Variants in SLC35F1 observed in about 807,000 individuals in gnomAD.
The protein encoded by SLC35F1 is solute carrier family 35 member F1, also known as chromosome 6 open reading frame 169.
In SLC35F1, 14 loss-of-function variants were observed where a neutral mutation model predicts 48.7. The ratio of observed to expected loss-of-function variants is 0.29; its 90% CI spans 0.19 to 0.45. The LOEUF is 0.45. Ranked by LOEUF, SLC35F1 falls within the 20% of genes least tolerant of loss-of-function variation. SLC35F1 has a pLI of 1.00. For missense variants in SLC35F1, 404 were observed against 500.0 expected (o/e 0.81, Z 1.83); for synonymous variants, 190 against 202.2 (o/e 0.94, Z 0.51).
At chr6:118,158,627 C>A (rs1774179463) in intron 2 of SLC35F1, among the ~76,000 whole-genome samples, 2 of 152,152 alleles carry the variant, frequency 1.3e-5, no homozygotes, top group South Asian at 4.1e-4. Context: ...CTTTCAAGAG[C>A]ATTAAGGGTG....
At chr6:118,079,507 T>G (rs1334656537) in intron 1 of SLC35F1, among the ~76,000 whole-genome samples, 2 of 152,206 alleles carry the variant, frequency 1.3e-5, no homozygotes, top group Non-Finnish European at 2.9e-5. Flanking sequence ...TTCAATTCTT[T>G]TGGGCATATA....
chr6:118,007,955 C>G (rs1373496634), intron 1 of SLC35F1, among the ~76,000 whole-genome samples: 1 of 152,152 alleles, frequency 6.6e-6, no homozygotes, highest in Admixed American at 6.6e-5. Context: ...TCCCATTTTT[C>G]TTGCTAGCTG....
At chr6:117,943,794 G>C (rs1776261977) in intron 1 of SLC35F1, among the ~76,000 whole-genome samples, 1 of 152,182 alleles carries the variant, frequency 6.6e-6, no homozygotes, top group South Asian at 2.1e-4. Context: ...GCTGGAGCTA[G>C]AAGAGATTCC....
chr6:118,222,427 A>T (rs2114565061), intron 2 of SLC35F1, among the ~76,000 whole-genome samples: 1 of 152,094 alleles, frequency 6.6e-6, no homozygotes, highest in Admixed American at 6.5e-5. Flanking sequence ...GGAACCACAT[A>T]AAACATAATG....
intron 7 of SLC35F1, among the ~76,000 whole-genome samples, chr6:118,293,868 T>C (rs1776152956): frequency 6.6e-6 from 1 of 152,224 alleles, no homozygotes; most frequent in Non-Finnish European, 1.5e-5. Context: ...TATTTCAACA[T>C]CTGCCACATA....
chr6:117,973,534 A>G (rs1448619000), intron 1 of SLC35F1, among the ~76,000 whole-genome samples: 3 of 151,860 alleles, frequency 2.0e-5, no homozygotes, highest in Non-Finnish European at 4.4e-5. Context: ...ACTTGTTTTT[A>G]AATTTATTAT....
chr6:117,918,858 G>T (rs1298240821), intron 1 of SLC35F1, among the ~76,000 whole-genome samples: 2 of 152,016 alleles, frequency 1.3e-5, no homozygotes, highest in African/African-American at 4.8e-5. Context: ...GGGGAGTGGG[G>T]TATGAGAGAG....
chr6:118,193,191 A>G (rs1194384067), intron 2 of SLC35F1, among the ~76,000 whole-genome samples: 1 of 152,142 alleles, frequency 6.6e-6, no homozygotes, highest in East Asian at 1.9e-4. Context: ...ATTAATGTCA[A>G]CCTCAACTTT....
At chr6:118,240,804 G>T (rs1775429267) in intron 3 of SLC35F1, among the ~76,000 whole-genome samples, 1 of 152,146 alleles carries the variant, frequency 6.6e-6, no homozygotes, top group Non-Finnish European at 1.5e-5. Context: ...TGTTGGGATG[G>T]ACCATGGCAA....
At chr6:117,996,169 C>T (rs191651389) in intron 1 of SLC35F1, among the ~76,000 whole-genome samples, 1 of 152,280 alleles carries the variant, frequency 6.6e-6, no homozygotes, top group Admixed American at 6.5e-5. Context: ...TAAAACTTTA[C>T]ATTTATAAAT....
intron 7 of SLC35F1, among the ~76,000 whole-genome samples, chr6:118,291,588 G>A (rs1229480149): frequency 2.6e-5 from 4 of 152,106 alleles, no homozygotes; most frequent in Non-Finnish European, 4.4e-5. Flanking sequence ...GGTTAAACCT[G>A]TATAAACATG....
At chr6:118,262,115 T>C (rs1775720325) in intron 3 of SLC35F1, among the ~76,000 whole-genome samples, 1 of 152,324 alleles carries the variant, frequency 6.6e-6, no homozygotes, top group South Asian at 2.1e-4. Flanking sequence ...TTCATGAGAC[T>C]GTCCACTACT....
intron 1 of SLC35F1, among the ~76,000 whole-genome samples, chr6:118,145,351 G>A (rs1260594371): frequency 6.6e-6 from 1 of 152,174 alleles, no homozygotes; most frequent in Non-Finnish European, 1.5e-5. Flanking sequence ...TGTGGATCTG[G>A]TTAAAGGATT....
At chr6:117,995,395 G>C (rs922102539) in intron 1 of SLC35F1, among the ~76,000 whole-genome samples, 1 of 152,156 alleles carries the variant, frequency 6.6e-6, no homozygotes, top group Non-Finnish European at 1.5e-5. Context: ...CTGACACCTA[G>C]GACCAGACAT....
chr6:117,995,566 C>T (rs1776974208), intron 1 of SLC35F1, among the ~76,000 whole-genome samples: 1 of 152,024 alleles, frequency 6.6e-6, no homozygotes, highest in Non-Finnish European at 1.5e-5. Flanking sequence ...CATGGTGAAA[C>T]CCCGTCTCTA....
At chr6:118,229,413 G>A (rs1775260666) in intron 2 of SLC35F1, among the ~76,000 whole-genome samples, 1 of 152,172 alleles carries the variant, frequency 6.6e-6, no homozygotes, top group Non-Finnish European at 1.5e-5. Context: ...GGAGCACCAT[G>A]CATATACTAG....
At chr6:118,310,792 G>T (rs1217301216) in intron 7 of SLC35F1, among the ~76,000 whole-genome samples, 1 of 152,144 alleles carries the variant, frequency 6.6e-6, no homozygotes, top group African/African-American at 2.4e-5. Context: ...TTATGCTAAA[G>T]CTGTGTCCCA....
At chr6:117,910,061 C>G (rs548244443) in intron 1 of SLC35F1, among the ~76,000 whole-genome samples, 1 of 152,266 alleles carries the variant, frequency 6.6e-6, no homozygotes, top group African/African-American at 2.4e-5. Flanking sequence ...TAAGAAGAAA[C>G]TCTTTGTTTC....
At chr6:118,164,823 A>C (rs1774294192) in intron 2 of SLC35F1, among the ~76,000 whole-genome samples, 1 of 152,224 alleles carries the variant, frequency 6.6e-6, no homozygotes. Flanking sequence ...CAGAGTAGGC[A>C]CAAGTGTAAT....
Sources: allele counts gnomAD v4.1 joint callset (sites outside exome capture counted in the v4.1 genomes callset), GRCh38; gene constraint gnomAD v4.1.1; transcripts MANE v1.5; gene names NCBI Gene and HGNC (gene_info 2026-07-23, HGNC 2026-07-21).